The following CUL1 variants were observed in gnomAD, a reference collection of about 807,000 sequenced individuals.
CUL1 encodes the protein cullin 1.
Under a neutral mutation model 118.0 loss-of-function variants are expected in CUL1, and 24 were observed. The ratio of observed to expected loss-of-function variants is 0.20; its 90% confidence interval spans 0.15 to 0.29. CUL1 has a LOEUF of 0.29. Ranked by LOEUF, CUL1 falls within the 10% of genes least tolerant of loss-of-function variation. The pLI is 1.00. For synonymous variants in CUL1, 332 were observed against 340.4 expected, an observed-to-expected ratio of 0.98 and a Z score of 0.27; for missense variants, 361 against 933.8, an observed-to-expected ratio of 0.39 and a Z score of 7.99.
intron 1 of CUL1, among the ~76,000 whole-genome samples, chr7:148,709,510 T>C (rs1163412354): frequency 2.0e-5 from 3 of 152,256 alleles, no homozygotes; most frequent in African/African-American, 7.2e-5. Context: ...ATTAGTTCTT[T>C]ACCTTGTTAA....
At chr7:148,719,407 TTGAA>T (rs1412901683) in intron 1 of CUL1, among the ~76,000 whole-genome samples, 9 of 152,366 alleles carry the variant, frequency 5.9e-5, no homozygotes, top group East Asian at 5.8e-4. Context: ...TTTTAATTGT[TTGAA>T]TGAGAGTTTC....
intron 9 of CUL1, among the ~76,000 whole-genome samples, chr7:148,779,759 TGATTG>T (rs1800551731): frequency 1.3e-5 from 2 of 152,180 alleles, no homozygotes. Flanking sequence ...AGTGTCAACT[TGATTG>T]GATTGAAGGA....
rs1462191301 is a variant in CUL1, at chr7:148,790,408, A to G, written c.1773A>G (p.Val591=). 3 of 1,613,960 alleles carry G rather than the reference A, an allele frequency of 1.9e-6. No individual in the cohort carries two copies. In the African/African-American group the frequency reaches 4.0e-5, roughly 22 times the overall value. Residue 591 remains valine (V), a synonymous_variant, in exon 16 of 22, where the codon GTA becomes GTG. Transcript: ENST00000325222. The part of the protein sequence containing the change: ...WLYQLSKGEL[V]TNCFKNRYTL... ...ATCAGTTGTCTAAAGGAGAATTGGTAACTAACTGCTTCAAAAACAGATATA... is the reference window on the plus strand; with the variant it reads ...ATCAGTTGTCTAAAGGAGAATTGGTGACTAACTGCTTCAAAAACAGATATA...
At chr7:148,752,067 C>T (rs1234090867) in intron 2 of CUL1, among the ~76,000 whole-genome samples, 6 of 152,044 alleles carry the variant, frequency 3.9e-5, no homozygotes, top group African/African-American at 9.7e-5. Flanking sequence ...GCTGAGATCA[C>T]GCCATTGCAC....
At chr7:148,766,466 G>A in intron 7 of CUL1, 95 bp from the exon 8 acceptor site, 5 of 1,071,210 alleles carry the variant, frequency 4.7e-6, no homozygotes, top group Non-Finnish European at 5.3e-6. Context: ...AATTTAATTT[G>A]CCATTTTTCA....
At chr7:148,736,120 G>A (rs1187507151) in intron 2 of CUL1, among the ~76,000 whole-genome samples, 1 of 151,940 alleles carries the variant, frequency 6.6e-6, no homozygotes, top group Non-Finnish European at 1.5e-5. Flanking sequence ...GCTGCAGTGA[G>A]TCATGATCGC....
rs1236199581 is a variant in CUL1, at chr7:148,790,406, G to A, written c.1771G>A (p.Val591Ile). The stretch of plus-strand genomic sequence containing the variant: ...ATATCAGTTGTCTAAAGGAGAATTG[G>A]TAACTAACTGCTTCAAAAACAGATA... Reference protein sequence around the residue: ...WLYQLSKGELVTNCFKNRYTL... With the variant: ...WLYQLSKGELITNCFKNRYTL... Residue 591 changes from valine (V) to isoleucine (I), a missense_variant, in exon 16 of 22, where the codon GTA becomes ATA. Coordinates refer to ENST00000325222, the MANE Select transcript of CUL1 (RefSeq NM_003592.3). The A allele has an allele frequency of 1.1e-5, 17 of 1,613,808 alleles. No individual in the cohort carries two copies. The highest frequency in any genetic ancestry group is 1.3e-5 in the African/African-American group (1 of 74,900).
chr7:148,730,386 G>A (rs1314409203), intron 2 of CUL1, 124 bp downstream of exon 2: 2 of 1,180,090 alleles, frequency 1.7e-6, no homozygotes, highest in Non-Finnish European at 2.3e-6. Flanking sequence ...TAATCGCAGG[G>A]TTCATTTTTA....
intron 1 of CUL1, among the ~76,000 whole-genome samples, chr7:148,707,749 A>G (rs934226021): frequency 2.6e-5 from 4 of 152,202 alleles, no homozygotes; most frequent in Admixed American, 6.5e-5. Context: ...GTTGTTTCAC[A>G]TTTTTTCTTT....
rs1260047590 is a variant in CUL1 at position 148,787,330 on chromosome 7, TG to T, written c.1479+213del. Among the ~76,000 whole-genome samples, 4 of 151,930 alleles carry T rather than the reference TG, an allele frequency of 2.6e-5. No individual in the cohort carries two copies. In the East Asian group the frequency reaches 7.8e-4, roughly 30 times the overall value. On this transcript the variant is annotated intron_variant, in intron 13 of 21. Transcript: ENST00000325222. The surrounding 1 kb of genome is among the most constrained non-coding windows in gnomAD (Gnocchi z 5.5). Reference sequence around the variant, plus strand: ...ACAAAACATTAGCCGGGCATGGTGGTGGGCGCCTGTAGTCCCAGCTACTTGG... The same window carrying T: ...ACAAAACATTAGCCGGGCATGGTGGTGGCGCCTGTAGTCCCAGCTACTTGG...
intron 1 of CUL1, among the ~76,000 whole-genome samples, chr7:148,722,709 A>G (rs570837687): frequency 1.3e-5 from 2 of 152,322 alleles, no homozygotes; most frequent in South Asian, 4.1e-4. Flanking sequence ...CCTGAAACCT[A>G]TTATTGGAGA....
intron 1 of CUL1, among the ~76,000 whole-genome samples, chr7:148,721,454 C>CTT (rs562107579): frequency 6.7e-6 from 1 of 148,954 alleles, no homozygotes; most frequent in African/African-American, 2.4e-5. Context: ...TGTCTCTCAG[C>CTT]TTTTTTTTTT....
At chr7:148,799,084 C>T (rs559944466) in intron 20 of CUL1, among the ~76,000 whole-genome samples, 191 bp from the exon 21 acceptor site, 3 of 152,142 alleles carry the variant, frequency 2.0e-5, no homozygotes, top group East Asian at 3.9e-4. Flanking sequence ...ATGTTTGCCA[C>T]GTTAGAGTTG....
intron 11 of CUL1, among the ~76,000 whole-genome samples, chr7:148,785,543 T>C (rs1800786024): frequency 1.3e-5 from 2 of 150,170 alleles, no homozygotes; most frequent in African/African-American, 4.9e-5. Flanking sequence ...TTTTTTTTTT[T>C]AGTAGAGACA....
chr7:148,783,926 G>GTA (rs1314768382), intron 10 of CUL1, 36 bp downstream of exon 10: 1 of 1,613,390 alleles, frequency 6.2e-7, no homozygotes, highest in South Asian at 1.1e-5. Flanking sequence ...CCTGTAGTAT[G>GTA]TATGGATGGG....
At chr7:148,756,398 C>T (rs1446726401) in intron 3 of CUL1, among the ~76,000 whole-genome samples, 2 of 151,962 alleles carry the variant, frequency 1.3e-5, no homozygotes, top group East Asian at 1.9e-4. Flanking sequence ...TGCAGTGGTG[C>T]GATCTTGGCT....
At chr7:148,748,795 A>G (rs1458006348) in intron 2 of CUL1, among the ~76,000 whole-genome samples, 2 of 152,378 alleles carry the variant, frequency 1.3e-5, no homozygotes, top group South Asian at 2.1e-4. Context: ...TGTCAAAAAG[A>G]TAACATTCTC....
intron 1 of CUL1, among the ~76,000 whole-genome samples, chr7:148,702,318 C>T (rs970899407): frequency 1.3e-5 from 2 of 152,128 alleles, no homozygotes; most frequent in African/African-American, 4.8e-5. Flanking sequence ...AGGTATAGAA[C>T]ATCTTGCTTG....
chr7:148,773,109 C>G (rs961434545), intron 9 of CUL1, among the ~76,000 whole-genome samples: 3 of 152,078 alleles, frequency 2.0e-5, no homozygotes, highest in Non-Finnish European at 4.4e-5. Context: ...TCAGAAATAC[C>G]ACTTAATACA....
Sources: allele counts gnomAD v4.1 joint callset (sites outside exome capture counted in the v4.1 genomes callset), GRCh38; gene constraint gnomAD v4.1.1; non-coding constraint Gnocchi (gnomAD v3.1); transcripts MANE v1.5; gene names NCBI Gene and HGNC (gene_info 2026-07-23, HGNC 2026-07-21).